The following DLGAP4 variants were observed in gnomAD, a reference collection of about 807,000 sequenced individuals.
The protein encoded by DLGAP4 is disks large-associated protein 4.
DLGAP4 carries 18 observed loss-of-function variants against 86.9 expected under a neutral mutation model. That is an observed-to-expected ratio of 0.21 (90% CI 0.14 to 0.31). The LOEUF is 0.31. Among genes scored for constraint, DLGAP4 ranks in the 10% least tolerant of loss-of-function variants. DLGAP4 has a pLI of 1.00. For synonymous variants in DLGAP4, 548 were observed against 574.3 expected, an observed-to-expected ratio of 0.95 and a Z score of 0.65; for missense variants, 1,085 against 1,362.6, an observed-to-expected ratio of 0.80 and a Z score of 3.21.
chr20:36,344,636 C>T (rs2065417634), intron 1 of DLGAP4, among the ~76,000 whole-genome samples: 1 of 152,222 alleles, frequency 6.6e-6, no homozygotes, highest in African/African-American at 2.4e-5. Flanking sequence ...TTCTTAATCC[C>T]CAACCTCCAG....
intron 2 of DLGAP4, among the ~76,000 whole-genome samples, chr20:36,428,616 C>T (rs1425689937): frequency 6.6e-6 from 1 of 152,200 alleles, no homozygotes; most frequent in African/African-American, 2.4e-5. Context: ...CACACTGTCC[C>T]CTTTCTTTGC....
chr20:36,340,532 A>G (rs2065368644), intron 1 of DLGAP4, among the ~76,000 whole-genome samples: 1 of 152,078 alleles, frequency 6.6e-6, no homozygotes, highest in Non-Finnish European at 1.5e-5. Context: ...CCCGACACCT[A>G]TGTGCCCCCA....
chr20:36,322,992 T>C (rs2147347862), intron 1 of DLGAP4, among the ~76,000 whole-genome samples: 1 of 151,738 alleles, frequency 6.6e-6, no homozygotes. Flanking sequence ...CTGGGCAACA[T>C]GGTGAAACCC....
chr20:36,462,351 G>T, intron 7 of DLGAP4: 1 of 1,372,430 alleles, frequency 7.3e-7, no homozygotes. Context: ...TGCTCTCCCT[G>T]CCCCTCTGTG....
intron 1 of DLGAP4, among the ~76,000 whole-genome samples, chr20:36,360,359 T>TC (rs1415645350): frequency 1.1e-4 from 16 of 152,202 alleles, no homozygotes; most frequent in African/African-American, 3.1e-4. Flanking sequence ...CTTTCCACCT[T>TC]CATCTCTGTC....
rs2037859207 is a variant in DLGAP4 at position 36,527,776 on chromosome 20, C to T, written c.*745C>T. On this transcript the variant is annotated 3_prime_UTR_variant, in exon 13 of 13. Coordinates refer to ENST00000339266, the MANE Select transcript of DLGAP4 (RefSeq NM_001365621.2). ...CTTGGCGGGTGGAAATGAGACGAAG[C>T]CACAGTTATCACACTCCAGACTCCT... 1 of 152,692 alleles carries T rather than the reference C, an allele frequency of 6.5e-6. No homozygotes were observed. 9.5% of individuals were successfully genotyped at this position (152,692 alleles called of 1,614,324 possible). A position where few individuals can be genotyped will look rare whatever the true frequency, so the allele number is the denominator to read the frequency against.
intron 7 of DLGAP4, chr20:36,461,650 C>T: frequency 3.0e-6 from 2 of 662,542 alleles, no homozygotes; most frequent in Non-Finnish European, 3.3e-6. Context: ...CGCGAGGAGA[C>T]GGGGGCCGCC....
intron 8 of DLGAP4, chr20:36,497,511 G>A (rs1025350894): frequency 3.0e-6 from 3 of 997,888 alleles, no homozygotes; most frequent in African/African-American, 1.7e-5. Context: ...CATAGACGCT[G>A]TTGGGCCAGG....
At chr20:36,508,280 G>A (rs1384558121) in intron 10 of DLGAP4, 4 of 152,156 alleles carry the variant, frequency 2.6e-5, no homozygotes, top group East Asian at 1.9e-4. Context: ...TTAAGCTGCA[G>A]TAAAAAGAAC....
At chr20:36,481,909 C>G (rs1212895289) in intron 7 of DLGAP4, among the ~76,000 whole-genome samples, 1 of 152,178 alleles carries the variant, frequency 6.6e-6, no homozygotes, top group Non-Finnish European at 1.5e-5. Flanking sequence ...AGCCATTTTT[C>G]CACATATGCC....
At chr20:36,344,865 C>G (rs943368628) in intron 1 of DLGAP4, among the ~76,000 whole-genome samples, 1 of 152,204 alleles carries the variant, frequency 6.6e-6, no homozygotes, top group Non-Finnish European at 1.5e-5. Flanking sequence ...CCCTCCTTCC[C>G]TAGGCACATC....
At chr20:36,453,525 A>G (rs1006514175) in intron 7 of DLGAP4, among the ~76,000 whole-genome samples, 2 of 152,086 alleles carry the variant, frequency 1.3e-5, no homozygotes, top group African/African-American at 4.8e-5. Context: ...GGTCACAGCT[A>G]CTTGGGAGGC....
intron 2 of DLGAP4, among the ~76,000 whole-genome samples, chr20:36,367,790 A>AG (rs1303180377): frequency 6.6e-6 from 1 of 152,108 alleles, no homozygotes; most frequent in African/African-American, 2.4e-5. Context: ...CATCAGGATG[A>AG]GGTGCTGGGC....
At chr20:36,385,551 A>G (rs1275676387) in intron 2 of DLGAP4, among the ~76,000 whole-genome samples, 1 of 152,204 alleles carries the variant, frequency 6.6e-6, no homozygotes, top group Non-Finnish European at 1.5e-5. Flanking sequence ...ACTAGTAGGC[A>G]TGGCTGGGGC....
At chr20:36,354,885 T>G (rs2030274770) in intron 1 of DLGAP4, among the ~76,000 whole-genome samples, 1 of 152,122 alleles carries the variant, frequency 6.6e-6, no homozygotes, top group African/African-American at 2.4e-5. Flanking sequence ...AGAGCTACAG[T>G]GAGCTATGAT....
chr20:36,461,891 C>T (rs2034097298), intron 7 of DLGAP4: 21 of 985,002 alleles, frequency 2.1e-5, no homozygotes, highest in Non-Finnish European at 2.5e-5. Flanking sequence ...GCCCCTCCCT[C>T]GCTCCCCATC....
At chr20:36,430,528 G>C (rs1214440192) in intron 2 of DLGAP4, among the ~76,000 whole-genome samples, 1 of 151,956 alleles carries the variant, frequency 6.6e-6, no homozygotes, top group African/African-American at 2.4e-5. Flanking sequence ...TTTTTGGAAG[G>C]CCTCTCTAGG....
At chr20:36,314,369 T>TGTGGAGGGAGTGTGAA (rs2065079655) in intron 1 of DLGAP4, among the ~76,000 whole-genome samples, 1 of 24 alleles carries the variant, frequency 0.042, no homozygotes, top group Non-Finnish European at 0.1. Flanking sequence ...GGTGTGTGTG[T>TGTGGAGGGAGTGTGAA]GGNNNNNNNN....
chr20:36,309,032 G>A (rs542879408), intron 1 of DLGAP4, among the ~76,000 whole-genome samples: 4 of 150,040 alleles, frequency 2.7e-5, no homozygotes, highest in East Asian at 2.0e-4. Context: ...TCCCCCTGGC[G>A]GGCCTTCAGT....
Sources: allele counts gnomAD v4.1 joint callset (sites outside exome capture counted in the v4.1 genomes callset), GRCh38; gene constraint gnomAD v4.1.1; transcripts MANE v1.5; gene names NCBI Gene and HGNC (gene_info 2026-07-23, HGNC 2026-07-21).